The following KCNQ1 variants were observed in gnomAD, a reference collection of about 807,000 sequenced individuals.
KCNQ1 encodes potassium voltage-gated channel subfamily Q member 1, also known as potassium voltage-gated channel subfamily KQT member 1.
In KCNQ1, 49 loss-of-function variants were observed where a neutral mutation model predicts 72.4. That is an observed-to-expected ratio of 0.68 (90% CI 0.54 to 0.86). The LOEUF (loss-of-function observed/expected upper bound fraction) is 0.86. KCNQ1 is among the 40% of genes least tolerant of loss of function. The pLI is 0.00. For synonymous variants in KCNQ1, 450 were observed against 412.6 expected (o/e 1.09, Z -1.10); for missense variants, 790 against 945.1 (o/e 0.84, Z 2.15).
rs888318055 is a variant in KCNQ1 at position 2,471,714 on chromosome 11, ATG to A, written c.386+26235_386+26236del. 1.1e-4 allele frequency among the ~76,000 whole-genome samples: 15 copies of A among 135,364 alleles called. No individual in the cohort carries two copies. Among genetic ancestry groups the A allele is most frequent in the Admixed American group, 8.6e-4 (12 of 13,966 alleles). The allele number at this position is 135,364 out of a possible 152,430, so 88.8% of individuals were successfully genotyped here. On this transcript the variant is annotated intron_variant, in intron 1 of 15. Transcript: ENST00000155840. The surrounding 1 kb of genome is among the most constrained non-coding windows in gnomAD (Gnocchi z 4.8). ...TGTGCATGTGTGTATAGGTGTGTGT[ATG>A]TGTGCATGGGCGTGTGTATGTGTGC...
At chr11:2,749,641 CAA>C (rs35701102) in intron 11 of KCNQ1, among the ~76,000 whole-genome samples, 5 of 87,114 alleles carry the variant, frequency 5.7e-5, no homozygotes, top group African/African-American at 1.1e-4. Flanking sequence ...ACTAAAAATA[CAA>C]AAAAAAAAAA....
At chr11:2,802,664 C>T (rs767606771) in intron 15 of KCNQ1, among the ~76,000 whole-genome samples, 10 of 152,294 alleles carry the variant, frequency 6.6e-5, no homozygotes, top group Non-Finnish European at 1.0e-4. Context: ...CTCATTCTCC[C>T]GGTCAAACCC....
Position 2,588,911 on chromosome 11 carries a change from T to A in KCNQ1, c.1393+57T>A. ...GGGCCGGGAAGGTCACTGCCTTTTT[T>A]GGGAGCCCGAGCAAGCCAGTGAGTT... On this transcript the variant is annotated intron_variant, in intron 10 of 15. Transcript: ENST00000155840. The surrounding 1 kb of genome is among the most constrained non-coding windows in gnomAD (Gnocchi z 5.6). 6.3e-7 allele frequency: 1 copy of A among 1,593,232 alleles called. No individual in the cohort carries two copies. The highest frequency in any genetic ancestry group is 1.1e-5 in the South Asian group (1 of 89,404).
chr11:2,693,046 G>A (rs1731994594), intron 11 of KCNQ1: 1 of 398,626 alleles, frequency 2.5e-6, no homozygotes, highest in Non-Finnish European at 4.4e-6. Context: ...TGGAGCAGGG[G>A]GAGAGAAAGG....
chr11:2,528,464 C>T (rs1187575451), intron 2 of KCNQ1, among the ~76,000 whole-genome samples: 1 of 152,252 alleles, frequency 6.6e-6, no homozygotes, highest in East Asian at 1.9e-4. Flanking sequence ...TGGTCCCTTC[C>T]ATTGGCCTGA....
chr11:2,840,326 G>A (rs1419136608), intron 15 of KCNQ1: 2 of 152,582 alleles, frequency 1.3e-5, no homozygotes, highest in African/African-American at 4.8e-5. Flanking sequence ...ACGTAGAAGT[G>A]CACCCACACG....
Position 2,515,973 on chromosome 11 carries a change from C to T in KCNQ1, c.387-11955C>T, listed in dbSNP as rs898531979. Among the ~76,000 whole-genome samples the T allele has an allele frequency of 6.6e-6, 1 of 151,966 alleles. No individual in the cohort carries two copies. Among genetic ancestry groups the T allele is most frequent in the South Asian group, 2.1e-4 (1 of 4,816 alleles). On this transcript the variant is annotated intron_variant, in intron 1 of 15. Coordinates refer to ENST00000155840, the MANE Select transcript of KCNQ1 (RefSeq NM_000218.3). This position sits in a 1 kb window ranked among gnomAD's most constrained non-coding sequence, Gnocchi z 4.7. ...GTGTGCCATGGCTGCAGTGACAGCC[C>T]AGACCCCAGGGGCCGGGCATCCCAC... is the stretch of plus-strand genomic sequence containing the variant.
rs1847637306 is a variant in KCNQ1, at chr11:2,817,353, C to T, written c.1795-30414C>T. On this transcript the variant is annotated intron_variant, in intron 15 of 15. Transcript: ENST00000155840. This position sits in a 1 kb window ranked among gnomAD's most constrained non-coding sequence, Gnocchi z 6.1. ...GCCAGTTTCTGAGCGCTACCTTGAA[C>T]CCCTGTTGCACCCCAGGAGGAGAAT... Among the ~76,000 whole-genome samples, 1 of 152,142 alleles carries T rather than the reference C, an allele frequency of 6.6e-6. No homozygotes were observed. The highest frequency in any genetic ancestry group is 2.4e-5 in the African/African-American group (1 of 41,428).
chr11:2,625,296 G>A (rs955031101), intron 10 of KCNQ1: 3 of 398,408 alleles, frequency 7.5e-6, no homozygotes, highest in Admixed American at 4.4e-5. Flanking sequence ...TGTCACTTAG[G>A]CTGGAATGCA....
chr11:2,594,565 T>C lies in KCNQ1; in HGVS notation c.1393+5711T>C, dbSNP rs936710512. Among the ~76,000 whole-genome samples the C allele has an allele frequency of 2.6e-5, 4 of 152,230 alleles. No individual in the cohort carries two copies. The East Asian group carries it at 7.7e-4, about 29-fold the overall frequency. On this transcript the variant is annotated intron_variant, in intron 10 of 15. Transcript: ENST00000155840. The stretch of plus-strand genomic sequence containing the variant: ...CTATTTGACCATCTCATTGTCTTCC[T>C]CAGCTGTCTCATAGATTTTCTATCT...
chr11:2,538,481 C>T lies in KCNQ1; in HGVS notation c.477+10463C>T, dbSNP rs577192494. On this transcript the variant is annotated intron_variant, in intron 2 of 15. Transcript: ENST00000155840. The surrounding 1 kb of genome is among the most constrained non-coding windows in gnomAD (Gnocchi z 6.7). ...AGCCAGGTCCCCTGTCCCAGGACCG[C>T]GGTTGACAGGGTTTGGATTGGCTGC... Among the ~76,000 whole-genome samples, 2 of 152,312 alleles carry T rather than the reference C, an allele frequency of 1.3e-5. No individual in the cohort carries two copies. The highest frequency in any genetic ancestry group is 6.5e-5 in the Admixed American group (1 of 15,300).
At chr11:2,558,125 G>A (rs544167413) in intron 2 of KCNQ1, among the ~76,000 whole-genome samples, 1 of 152,334 alleles carries the variant, frequency 6.6e-6, no homozygotes, top group Admixed American at 6.5e-5. Context: ...GCCCTGTAGG[G>A]CGTTATGAGA....
chr11:2,807,448 C>T (rs1049659374), intron 15 of KCNQ1, among the ~76,000 whole-genome samples: 1 of 152,150 alleles, frequency 6.6e-6, no homozygotes, highest in Non-Finnish European at 1.5e-5. Flanking sequence ...GGCCTCCTCG[C>T]CCCCCCACTC....
Position 2,687,650 on chromosome 11 carries a change from C to T in KCNQ1, c.1514+25569C>T. 2.5e-6 allele frequency: 1 copy of T among 398,652 alleles called. No homozygotes were observed. The highest frequency in any genetic ancestry group is 4.4e-6 in the Non-Finnish European group (1 of 226,126). The allele number at this position is 398,652 out of a possible 1,614,324, so 24.7% of individuals were successfully genotyped here. A position where few individuals can be genotyped will look rare whatever the true frequency, so the allele number is the denominator to read the frequency against. ...TCTCAGGCCCCTGTAAAAATTGGGA[C>T]CTGTCCTTGCCAGCCAGGTCTCAGG... On this transcript the variant is annotated intron_variant, in intron 11 of 15. Transcript: ENST00000155840. This position sits in a 1 kb window ranked among gnomAD's most constrained non-coding sequence, Gnocchi z 5.0.
rs1847854545 is a variant in KCNQ1, at chr11:2,827,003, T to A, written c.1795-20764T>A. On this transcript the variant is annotated intron_variant, in intron 15 of 15. Transcript: ENST00000155840. The surrounding 1 kb of genome is among the most constrained non-coding windows in gnomAD (Gnocchi z 6.7). ...GAGCAGTCCTCTAAGGAGTTTGGAG[T>A]CATTTTCAGTCACTCACAAGCCACA... is the stretch of plus-strand genomic sequence containing the variant. Among the ~76,000 whole-genome samples, 1 of 151,854 alleles carries A rather than the reference T, an allele frequency of 6.6e-6. No homozygotes were observed. Among genetic ancestry groups the A allele is most frequent in the African/African-American group, 2.4e-5 (1 of 41,322 alleles).
At position 2,670,307 on chromosome 11, in the gene KCNQ1, G is replaced by A. The variant is rs1254685095; in HGVS notation, c.1514+8226G>A. ...GCAACCCATAGGTGCCCAATGGAGA[G>A]ATAATCTCAAATATGGTAGCAGAGT... is the stretch of plus-strand genomic sequence containing the variant. On this transcript the variant is annotated intron_variant, in intron 11 of 15. Coordinates refer to ENST00000155840, the MANE Select transcript of KCNQ1 (RefSeq NM_000218.3). The surrounding 1 kb of genome is among the most constrained non-coding windows in gnomAD (Gnocchi z 4.9). The A allele has an allele frequency of 1.8e-5, 7 of 398,602 alleles. No homozygotes were observed. Among genetic ancestry groups the A allele is most frequent in the Admixed American group, 4.4e-5 (1 of 22,724 alleles). 24.7% of individuals were successfully genotyped at this position (398,602 alleles called of 1,614,324 possible).
intron 11 of KCNQ1, chr11:2,675,044 G>A (rs1256165699): frequency 4.5e-5 from 18 of 398,484 alleles, no homozygotes; most frequent in East Asian, 2.5e-4. Flanking sequence ...GGTGGGGGAC[G>A]GGGATGCCAA....
intron 10 of KCNQ1, chr11:2,629,297 T>A: frequency 2.5e-6 from 1 of 398,452 alleles, no homozygotes; most frequent in Non-Finnish European, 4.4e-6. Flanking sequence ...AGTGTCTAGG[T>A]CTTTTATCTC....
At chr11:2,680,993 T>C (rs1850387368) in intron 11 of KCNQ1, 2 of 398,508 alleles carry the variant, frequency 5.0e-6, no homozygotes, top group South Asian at 1.3e-4. Context: ...ATAGGTGAAA[T>C]AGGTATGTGT....
Sources: gnomAD v4.1 joint callset for allele counts (sites outside exome capture counted in the v4.1 genomes callset) on GRCh38, gnomAD v4.1.1 for gene constraint, Gnocchi (gnomAD v3.1) non-coding constraint, MANE v1.5 for transcripts, NCBI Gene and HGNC (gene_info 2026-07-23, HGNC 2026-07-21) for gene names.